AP1G1: variants seen among roughly 807,000 people sequenced by gnomAD.
The protein encoded by AP1G1 is AP-1 complex subunit gamma-1.
AP1G1 carries 7 observed loss-of-function variants against 108.3 expected under a neutral mutation model. The ratio of observed to expected loss-of-function variants is 0.06; its 90% CI spans 0.04 to 0.12. The LOEUF (loss-of-function observed/expected upper bound fraction) is 0.12. AP1G1 is among the 10% of genes least tolerant of loss of function. AP1G1 has a pLI of 1.00. For missense variants in AP1G1, 756 were observed against 1,010.7 expected, an observed-to-expected ratio of 0.75 and a Z score of 3.42; for synonymous variants, 379 against 353.5, an observed-to-expected ratio of 1.07 and a Z score of -0.81.
At chr16:71,758,475 C>T (rs1567648179) in intron 11 of AP1G1, 1 of 536,328 alleles carries the variant, frequency 1.9e-6, no homozygotes, top group East Asian at 5.2e-5. Context: ...GTACTTTCAT[C>T]CTCCAACACA....
intron 17 of AP1G1, among the ~76,000 whole-genome samples, chr16:71,746,168 C>T (rs2030167164): frequency 6.6e-6 from 1 of 152,146 alleles, no homozygotes; most frequent in South Asian, 2.1e-4. Flanking sequence ...CGCCACCATG[C>T]CCAACTAATT....
intron 2 of AP1G1, among the ~76,000 whole-genome samples, chr16:71,779,435 C>T (rs372529107): frequency 3.9e-5 from 6 of 152,072 alleles, no homozygotes; most frequent in African/African-American, 9.6e-5. Context: ...CTGACTCTCA[C>T]GTTCAAGCAG....
chr16:71,748,015 C>T (rs184204924), intron 16 of AP1G1, among the ~76,000 whole-genome samples: 4 of 152,272 alleles, frequency 2.6e-5, no homozygotes, highest in Admixed American at 6.5e-5. Context: ...AACTTTTCTG[C>T]TTCAAAATAA....
intron 2 of AP1G1, among the ~76,000 whole-genome samples, chr16:71,785,642 T>A (rs896698369): frequency 6.7e-6 from 1 of 150,026 alleles, no homozygotes; most frequent in Non-Finnish European, 1.5e-5. Context: ...CCCAGCACTT[T>A]GGGAGGCCGA....
rs919504358 is a variant in AP1G1 at position 71,792,230 on chromosome 16, G to T, written c.-3-2748C>A. On this transcript the variant is annotated intron_variant, in intron 1 of 22. Coordinates refer to ENST00000299980, the MANE Select transcript of AP1G1 (RefSeq NM_001128.6). ...TCAAGATGTCTACACAGGAGTTTCAGTATGGCAGGTTGAAAGACCGTGCCC... is the reference window on the plus strand; with the variant it reads ...TCAAGATGTCTACACAGGAGTTTCATTATGGCAGGTTGAAAGACCGTGCCC... Among the ~76,000 whole-genome samples, 3 of 152,166 alleles carry T rather than the reference G, an allele frequency of 2.0e-5. No individual in the cohort carries two copies. In the East Asian group the frequency reaches 5.8e-4, roughly 29 times the overall value.
At chr16:71,801,707 G>A (rs10459805) in intron 1 of AP1G1, among the ~76,000 whole-genome samples, 51,704 of 152,024 alleles carry the variant, frequency 0.34, 9,596 homozygotes, top group East Asian at 0.76. Flanking sequence ...CAGATCACAA[G>A]GTCAGGAGAT....
chr16:71,790,287 T>A (rs2032351257), intron 1 of AP1G1, among the ~76,000 whole-genome samples: 1 of 152,106 alleles, frequency 6.6e-6, no homozygotes, highest in Admixed American at 6.5e-5. Flanking sequence ...ACGCCTGTAA[T>A]CCCAGCACTT....
intron 6 of AP1G1, among the ~76,000 whole-genome samples, chr16:71,768,131 G>T (rs2031390314): frequency 7.1e-6 from 1 of 141,682 alleles, no homozygotes; most frequent in South Asian, 2.4e-4. Flanking sequence ...CCAAAGAACA[G>T]TCTTCTTCTG....
chr16:71,767,812 G>A (rs1022783804), intron 6 of AP1G1: 19 of 1,487,842 alleles, frequency 1.3e-5, no homozygotes, highest in Non-Finnish European at 1.7e-5. Flanking sequence ...TTTGTGGATC[G>A]ATACACAAAA....
intron 2 of AP1G1, among the ~76,000 whole-genome samples, chr16:71,782,928 A>G (rs1225120598): frequency 1.3e-5 from 2 of 152,006 alleles, no homozygotes; most frequent in African/African-American, 4.8e-5. Flanking sequence ...TATTTTGTAC[A>G]TTTCCTTACC....
chr16:71,748,841 G>T (rs1364875997), intron 15 of AP1G1, among the ~76,000 whole-genome samples: 5 of 152,068 alleles, frequency 3.3e-5, no homozygotes, highest in Non-Finnish European at 7.4e-5. Context: ...AGAGACTTGG[G>T]CCTAAAGTGG....
chr16:71,795,598 TTTC>T (rs2032557210), intron 1 of AP1G1, among the ~76,000 whole-genome samples: 1 of 152,238 alleles, frequency 6.6e-6, no homozygotes, highest in African/African-American at 2.4e-5. Flanking sequence ...CAGATTTTTA[TTTC>T]ATATGTATAT....
chr16:71,738,157 C>T (rs747899171), intron 21 of AP1G1, among the ~76,000 whole-genome samples: 9 of 152,170 alleles, frequency 5.9e-5, no homozygotes, highest in Admixed American at 2.6e-4. Flanking sequence ...AAGCAATTCT[C>T]CTGCCTCATC....
chr16:71,760,798 C>G (rs2031049252), intron 10 of AP1G1, among the ~76,000 whole-genome samples: 1 of 152,148 alleles, frequency 6.6e-6, no homozygotes, highest in African/African-American at 2.4e-5. Context: ...CTACCCATCT[C>G]TGCCTCCCAA....
intron 2 of AP1G1, among the ~76,000 whole-genome samples, chr16:71,786,484 A>C (rs1169935753): frequency 2.0e-5 from 3 of 151,980 alleles, no homozygotes; most frequent in Non-Finnish European, 2.9e-5. Context: ...TTTTTTGAGA[A>C]AGAGTCTCAT....
chr16:71,734,422 C>A lies in AP1G1; in HGVS notation c.2367+187G>T, dbSNP rs112568923. The stretch of plus-strand genomic sequence containing the variant: ...GAAGTTGCATTTTAATAAGATGCCA[C>A]TAAGCCACCTGATGTCTCTGGGTTC... On this transcript the variant is annotated intron_variant, in intron 22 of 22. Transcript: ENST00000299980. 5.1e-4 allele frequency: 276 copies of A among 543,186 alleles called. 1 individual carries two copies. Among genetic ancestry groups the A allele is most frequent in the African/African-American group, 4.8e-3 (256 of 53,210 alleles). 33.6% of individuals were successfully genotyped at this position (543,186 alleles called of 1,614,324 possible).
In AP1G1 at chr16:71,739,311, G is replaced by A; in HGVS notation, c.2030C>T (p.Ser677Leu). The change falls in exon 20 of 23, where the codon TCA becomes TTA. Residue 677 changes from serine (S) to leucine (L), a missense_variant. Transcript: ENST00000299980. The part of the protein sequence containing the change: ...GAPAAAPAPA[S>L]VPQISQPPFL... ...GGGGGGCTGGGATATCTGTGGGACT[G>A]AGGCAGGGGCAGGAGCAGCAGCTGG... The A allele has an allele frequency of 6.2e-7, 1 of 1,609,918 alleles. No homozygotes were observed. The highest frequency in any genetic ancestry group is 8.5e-7 in the Non-Finnish European group (1 of 1,179,062).
rs1235840873 is a variant in AP1G1, at chr16:71,790,383, A to G, written c.-3-901T>C. On this transcript the variant is annotated intron_variant, in intron 1 of 22. Transcript: ENST00000299980. ...TGGAGAAACCCCATCTCTACTAAAAATACAAAATTAGCCGGCCATGGTGGC... is the reference window on the plus strand; with the variant it reads ...TGGAGAAACCCCATCTCTACTAAAAGTACAAAATTAGCCGGCCATGGTGGC... 1.4e-4 allele frequency among the ~76,000 whole-genome samples: 21 copies of G among 152,124 alleles called. 1 individual carries two copies. The highest frequency in any genetic ancestry group is 1.4e-3 in the Admixed American group (21 of 15,266).
rs1300538710 is a variant in AP1G1, at chr16:71,737,919, G to C, written c.2268+1023C>G. On this transcript the variant is annotated intron_variant, in intron 21 of 22. Coordinates refer to ENST00000299980, the MANE Select transcript of AP1G1 (RefSeq NM_001128.6). ...TTCATTCATTTACATGTCATCTACA[G>C]CTGTTTCTGTACTATAAGAGCAGAA... is the stretch of plus-strand genomic sequence containing the variant. Among the ~76,000 whole-genome samples, 6 of 152,254 alleles carry C rather than the reference G, an allele frequency of 3.9e-5. No individual in the cohort carries two copies. In the East Asian group the frequency reaches 1.2e-3, roughly 29 times the overall value.
Sources: gnomAD v4.1 joint callset for allele counts (sites outside exome capture counted in the v4.1 genomes callset) on GRCh38, gnomAD v4.1.1 for gene constraint, MANE v1.5 for transcripts, NCBI Gene and HGNC (gene_info 2026-07-23, HGNC 2026-07-21) for gene names.